Variants in POTEE observed in about 807,000 individuals in gnomAD.
The protein encoded by POTEE is POTE ankyrin domain family member E, also known as ANKRD26-like family C member 1A.
A neutral mutation model predicts 74.2 loss-of-function variants in POTEE; 21 were observed. The observed-to-expected ratio is 0.28, with a 90% CI of 0.20 to 0.41. The LOEUF (loss-of-function observed/expected upper bound fraction) is 0.41. Ranked by LOEUF, POTEE falls within the 10% of genes least tolerant of loss-of-function variation. The probability of loss-of-function intolerance (pLI) is 1.00; values close to 1 mark genes in which losing one functional copy is unlikely to be tolerated. For missense variants in POTEE, 525 were observed against 1,158.6 expected, an observed-to-expected ratio of 0.45 and a Z score of 7.94; for synonymous variants, 211 against 432.8, an observed-to-expected ratio of 0.49 and a Z score of 6.36.
At chr2:131,215,970 A>G (rs1311823761) in intron 2 of POTEE, among the ~76,000 whole-genome samples, 1 of 151,624 alleles carries the variant, frequency 6.6e-6, no homozygotes, top group Admixed American at 6.6e-5. Flanking sequence ...CAAAAAACCC[A>G]TTACAGCTGA....
chr2:131,237,408 A>C (rs1701163549), intron 10 of POTEE, among the ~76,000 whole-genome samples: 1 of 151,936 alleles, frequency 6.6e-6, no homozygotes, highest in African/African-American at 2.4e-5. Context: ...GGAGGGAACC[A>C]GGTCATAAAA....
intron 9 of POTEE, among the ~76,000 whole-genome samples, chr2:131,234,146 A>G (rs1204196063): frequency 6.6e-6 from 1 of 150,740 alleles, no homozygotes; most frequent in East Asian, 1.9e-4. Context: ...ACAACATAGA[A>G]TGGGACAGAT....
chr2:131,231,454 A>T (rs369314926), intron 9 of POTEE, among the ~76,000 whole-genome samples: 85 of 152,146 alleles, frequency 5.6e-4, no homozygotes, highest in Admixed American at 1.2e-3. Flanking sequence ...CTGGGAGTTG[A>T]GGACCCCTGC....
intron 17 of POTEE, among the ~76,000 whole-genome samples, chr2:131,262,965 C>T (rs1355321153): frequency 6.6e-6 from 1 of 151,890 alleles, no homozygotes; most frequent in African/African-American, 2.4e-5. Flanking sequence ...AGAGTGTAAA[C>T]CTAATCTTAA....
intron 11 of POTEE, 69 bp downstream of exon 11, chr2:131,238,307 T>TAA: frequency 6.7e-7 from 1 of 1,488,282 alleles, no homozygotes; most frequent in Non-Finnish European, 9.0e-7. Context: ...CAAAATGTAG[T>TAA]AAGTGTAGGC....
At chr2:131,229,715 G>T (rs1288301476) in intron 8 of POTEE, 1 of 152,154 alleles carries the variant, frequency 6.6e-6, no homozygotes, top group Admixed American at 6.5e-5. Flanking sequence ...CATATTTTGT[G>T]CAGTCACTGG....
Position 131,264,999 on chromosome 2 carries a change from T to G in POTEE, c.*316T>G, listed in dbSNP as rs543697553. Reference sequence around the variant, plus strand: ...CCTGCTAAAAGCCATCCCACTTCTCTCTAAGGAGAATGGCCCAGTCCTCTC... The same window carrying G: ...CCTGCTAAAAGCCATCCCACTTCTCGCTAAGGAGAATGGCCCAGTCCTCTC... On this transcript the variant is annotated 3_prime_UTR_variant, in exon 18 of 18. Transcript: ENST00000683005. 1.0e-4 allele frequency: 55 copies of G among 539,412 alleles called. 1 individual carries two copies. In the Admixed American group the frequency reaches 1.5e-3, roughly 15 times the overall value. 33.4% of individuals were successfully genotyped at this position (539,412 alleles called of 1,614,324 possible). A position where few individuals can be genotyped will look rare whatever the true frequency, so the allele number is the denominator to read the frequency against.
chr2:131,225,651 C>T (rs1209091641), intron 6 of POTEE, among the ~76,000 whole-genome samples: 1 of 147,304 alleles, frequency 6.8e-6, no homozygotes, highest in South Asian at 2.2e-4. Flanking sequence ...ACTGCAGCCT[C>T]GACCTCTCCA....
rs199796713 is a variant in POTEE at position 131,238,225 on chromosome 2, A to G, written c.1229A>G (p.Asp410Gly). 1.3e-4 allele frequency: 209 copies of G among 1,598,456 alleles called. 14 individuals are homozygous for G. The African/African-American group carries it at 2.4e-3, about 18-fold the overall frequency. The change falls in exon 11 of 18, where the codon GAT (aspartate) becomes GGT (glycine). Residue 410 changes from aspartate (D) to glycine (G), a missense_variant. Transcript: ENST00000683005. ...TCTCAAGAACTAGAAATAAATAAGG[A>G]TGGTGATAGAGAGGTATACCTTCAT... Reference protein sequence around the residue: ...KMSQELEINKDGDREVEEEMK... With the variant: ...KMSQELEINKGGDREVEEEMK...
intron 4 of POTEE, among the ~76,000 whole-genome samples, chr2:131,219,557 A>T (rs1700550364): frequency 6.6e-6 from 1 of 152,016 alleles, no homozygotes; most frequent in African/African-American, 2.4e-5. Context: ...ACACGGTGAA[A>T]CCCCGTCTCT....
chr2:131,228,951 A>G (rs1213229871), intron 8 of POTEE, among the ~76,000 whole-genome samples: 2 of 146,260 alleles, frequency 1.4e-5, no homozygotes, highest in East Asian at 1.9e-4. Context: ...GTAGATTCAG[A>G]TCCCTCAAGT....
At position 131,209,591 on chromosome 2, in the gene POTEE, T is replaced by C. The variant is rs1700311913; in HGVS notation, c.-573T>C. Among the ~76,000 whole-genome samples the C allele has an allele frequency of 6.6e-6, 1 of 152,232 alleles. No individual in the cohort carries two copies. Among genetic ancestry groups the C allele is most frequent in the South Asian group, 2.1e-4 (1 of 4,836 alleles). ...AACCGGCATGGCTGCTACCTGTTTC[T>C]GGCTGGAGCCTCGGACACTGGCTCA... is the stretch of plus-strand genomic sequence containing the variant. On this transcript the variant is annotated 5_prime_UTR_variant, in exon 1 of 18. Transcript: ENST00000683005.
At position 131,263,637 on chromosome 2, in the gene POTEE, C is replaced by T. The variant is rs545154090; in HGVS notation, c.2182C>T (p.Arg728Trp). The change falls in exon 18 of 18, where the codon CGG (arginine) becomes TGG (tryptophan). Residue 728 changes from arginine to tryptophan, a missense_variant. Physicochemically the swap from Arg to Trp is moderately radical, Grantham distance 101. Coordinates refer to ENST00000683005, the MANE Select transcript of POTEE (RefSeq NM_001083538.3). ...CGGCTTTGCGGGCGACGATGCCCCCCGGGCTGTCTTCCCTTCCATCGTGGG... is the reference window on the plus strand; with the variant it reads ...CGGCTTTGCGGGCGACGATGCCCCCTGGGCTGTCTTCCCTTCCATCGTGGG... ...KAGFAGDDAP[R>W]AVFPSIVGRP... is the part of the protein sequence containing the mutation. 698 of 1,585,110 alleles carry T rather than the reference C, an allele frequency of 4.4e-4. 3 individuals carry two copies. In the African/African-American group the frequency reaches 7.8e-3, roughly 18 times the overall value.
In POTEE at chr2:131,229,962, AAGT is replaced by A. The variant is rs572144697; in HGVS notation, c.1056-871_1056-869del. ...CTCTGTGGAAACTAAAAAAAAATAA[AAGT>A]AGACTTTTGGTCTCCCATGTCAGCT... On this transcript the variant is annotated intron_variant, in intron 8 of 17. Coordinates refer to ENST00000683005, the MANE Select transcript of POTEE (RefSeq NM_001083538.3). Among the ~76,000 whole-genome samples the A allele has an allele frequency of 1.1e-3, 171 of 152,264 alleles. 1 individual carries two copies. The highest frequency in any genetic ancestry group is 3.9e-3 in the African/African-American group (164 of 41,532).
intron 3 of POTEE, among the ~76,000 whole-genome samples, 84 bp downstream of exon 3, chr2:131,217,767 G>T (rs1238507263): frequency 1.9e-3 from 24 of 12,618 alleles, no homozygotes; most frequent in Admixed American, 0.012. Flanking sequence ...CACGCCGCAC[G>T]CGCACGCCGC....
Position 131,235,792 on chromosome 2 carries a change from C to CAAACA in POTEE, c.1127-937_1127-936insCAAAA, listed in dbSNP as rs1553477223. On this transcript the variant is annotated intron_variant, in intron 9 of 17. Coordinates refer to ENST00000683005, the MANE Select transcript of POTEE (RefSeq NM_001083538.3). ...CTGGTGACAGAGCAAGACCCTGGCT[C>CAAACA]AAAAAAAAAAAAAAAAAAAAAGAAA... 1.3e-3 allele frequency among the ~76,000 whole-genome samples: 105 copies of CAAACA among 79,148 alleles called. 1 individual carries two copies. Among genetic ancestry groups the CAAACA allele is most frequent in the African/African-American group, 5.5e-3 (99 of 17,914 alleles). The allele number at this position is 79,148 out of a possible 152,430, so 51.9% of individuals were successfully genotyped here. A position where few individuals can be genotyped will look rare whatever the true frequency, so the allele number is the denominator to read the frequency against.
At chr2:131,211,520 C>CTTTGTGTGTGTGTGTGTGTGTG (rs1553474098) in intron 2 of POTEE, among the ~76,000 whole-genome samples, 18 of 50,276 alleles carry the variant, frequency 3.6e-4, no homozygotes, top group South Asian at 8.8e-4. Flanking sequence ...TAGGGGGTGA[C>CTTTGTGTGTGTGTGTGTGTGTG]TGTGTGTGTG....
chr2:131,209,558 C>T lies in POTEE; in HGVS notation c.-606C>T, dbSNP rs1363303627. Among the ~76,000 whole-genome samples, 1 of 152,180 alleles carries T rather than the reference C, an allele frequency of 6.6e-6. No homozygotes were observed. Among genetic ancestry groups the T allele is most frequent in the Non-Finnish European group, 1.5e-5 (1 of 68,038 alleles). The stretch of plus-strand genomic sequence containing the variant: ...GTCATTTCAGGCTCTTAAGTGTGGG[C>T]GTTTGGTAACCGGCATGGCTGCTAC... On this transcript the variant is annotated 5_prime_UTR_variant, in exon 1 of 18. Transcript: ENST00000683005.
At chr2:131,234,476 G>GT (rs1471950513) in intron 9 of POTEE, among the ~76,000 whole-genome samples, 3 of 84,684 alleles carry the variant, frequency 3.5e-5, no homozygotes, top group Non-Finnish European at 7.2e-5. Context: ...GAGAAAGAGT[G>GT]TTTTTTGTAT....
Sources: allele counts gnomAD v4.1 joint callset (sites outside exome capture counted in the v4.1 genomes callset), GRCh38; gene constraint gnomAD v4.1.1; transcripts MANE v1.5; gene names NCBI Gene and HGNC (gene_info 2026-07-23, HGNC 2026-07-21).